KLHL29: variants seen among roughly 807,000 people sequenced by gnomAD.
KLHL29 encodes the protein kelch like family member 29.
A neutral mutation model predicts 80.4 loss-of-function variants in KLHL29; 21 were observed. The observed-to-expected ratio is 0.26, with a 90% CI of 0.19 to 0.38. KLHL29 has a LOEUF of 0.38. Ranked by LOEUF, KLHL29 falls within the 10% of genes least tolerant of loss-of-function variation. KLHL29 has a pLI of 1.00. For missense variants in KLHL29, 867 were observed against 1,223.9 expected (o/e 0.71, Z 4.35); for synonymous variants, 511 against 526.8 (o/e 0.97, Z 0.41).
chr2:23,477,836 G>A (rs1378554257), intron 2 of KLHL29, among the ~76,000 whole-genome samples: 1 of 152,248 alleles, frequency 6.6e-6, no homozygotes, highest in African/African-American at 2.4e-5. Flanking sequence ...ATGCACCTGT[G>A]AGTTTGGCAA....
intron 2 of KLHL29, among the ~76,000 whole-genome samples, chr2:23,478,080 C>T (rs974605897): frequency 2.0e-5 from 3 of 152,104 alleles, no homozygotes; most frequent in African/African-American, 7.2e-5. Context: ...ATCTCTGTGC[C>T]CCCAGACCAG....
At chr2:23,624,844 C>T (rs1017267886) in intron 3 of KLHL29, among the ~76,000 whole-genome samples, 22 of 152,318 alleles carry the variant, frequency 1.4e-4, no homozygotes, top group Admixed American at 1.1e-3. Flanking sequence ...GTCCCAGGTA[C>T]GTTGCTAGGT....
intron 1 of KLHL29, among the ~76,000 whole-genome samples, chr2:23,464,831 C>G (rs755874209): frequency 3.9e-5 from 6 of 152,102 alleles, no homozygotes; most frequent in Non-Finnish European, 7.4e-5. Context: ...TTTTTCCCAC[C>G]TCTTCTCTTA....
intron 2 of KLHL29, among the ~76,000 whole-genome samples, chr2:23,523,354 C>T (rs970144155): frequency 2.0e-5 from 3 of 152,188 alleles, no homozygotes; most frequent in Admixed American, 6.5e-5. Flanking sequence ...AAATACTAAA[C>T]GGTGGTTCTT....
chr2:23,392,702 C>T (rs1212814062), intron 1 of KLHL29, among the ~76,000 whole-genome samples: 3 of 152,218 alleles, frequency 2.0e-5, no homozygotes, highest in African/African-American at 7.2e-5. Context: ...ACACAGATCC[C>T]TCAGCTACCA....
Position 23,516,545 on chromosome 2 carries a change from C to T in KLHL29, c.-46+40878C>T, listed in dbSNP as rs570162653. 1.8e-4 allele frequency among the ~76,000 whole-genome samples: 28 copies of T among 152,292 alleles called. 1 individual carries two copies. Among genetic ancestry groups the T allele is most frequent in the Middle Eastern group, 3.4e-3 (1 of 294 alleles). ...CATAATTCAGGCTTTTGTGCCATGG[C>T]GCAGCAAGCTAGGTTATGATTATAC... On this transcript the variant is annotated intron_variant, in intron 2 of 13. Transcript: ENST00000486442.
At chr2:23,605,167 A>G (rs554084153) in intron 3 of KLHL29, among the ~76,000 whole-genome samples, 1 of 130,356 alleles carries the variant, frequency 7.7e-6, no homozygotes, top group South Asian at 2.4e-4. Flanking sequence ...ATTGCAGTGC[A>G]GTGGCACCGT....
intron 2 of KLHL29, among the ~76,000 whole-genome samples, chr2:23,495,441 G>T (rs1665233477): frequency 6.6e-6 from 1 of 152,122 alleles, no homozygotes; most frequent in Non-Finnish European, 1.5e-5. Flanking sequence ...TGTTTGGCTG[G>T]ACATTCCCAT....
intron 1 of KLHL29, among the ~76,000 whole-genome samples, chr2:23,450,945 T>C (rs1259008736): frequency 1.3e-5 from 2 of 152,220 alleles, no homozygotes; most frequent in African/African-American, 4.8e-5. Flanking sequence ...CTATTGTTTT[T>C]TTCTTTTTCA....
At chr2:23,543,724 C>G (rs1241566103) in intron 2 of KLHL29, among the ~76,000 whole-genome samples, 6 of 152,218 alleles carry the variant, frequency 3.9e-5, no homozygotes, top group African/African-American at 1.4e-4. Context: ...GCCGAAAGGC[C>G]TCCTCGGGAG....
At chr2:23,610,676 G>A (rs1668836302) in intron 3 of KLHL29, among the ~76,000 whole-genome samples, 1 of 152,234 alleles carries the variant, frequency 6.6e-6, no homozygotes, top group Admixed American at 6.5e-5. Flanking sequence ...ACAAGAAATA[G>A]CCCTGTGTGG....
rs6744647 is a variant in KLHL29, at chr2:23,457,809, C to T, written c.-153-17751C>T. Among the ~76,000 whole-genome samples the T allele has an allele frequency of 8.4e-3, 1,276 of 152,154 alleles. 23 individuals carry two copies. The highest frequency in any genetic ancestry group is 0.03 in the African/African-American group (1,233 of 41,526). ...CAGGCAGATCACGAGGTCAGGAGAT[C>T]GAGACCATCCTGGCTAACACAGTGA... is the stretch of plus-strand genomic sequence containing the variant. On this transcript the variant is annotated intron_variant, in intron 1 of 13. Transcript: ENST00000486442. This position sits in a 1 kb window ranked among gnomAD's most constrained non-coding sequence, Gnocchi z 4.3.
At position 23,525,721 on chromosome 2, in the gene KLHL29, C is replaced by T. The variant is rs1000860956; in HGVS notation, c.-45-36431C>T. ...TCCCCAGAGGCCGAGTGAGCCCCAG[C>T]CCCTGCCCCCCCCCCCCACCCGAGG... On this transcript the variant is annotated intron_variant, in intron 2 of 13. Transcript: ENST00000486442. Among the ~76,000 whole-genome samples the T allele has an allele frequency of 1.3e-3, 70 of 51,880 alleles. 3 individuals carry two copies. The Admixed American group carries it at 0.017, about 12-fold the overall frequency. 34.0% of individuals were successfully genotyped at this position (51,880 alleles called of 152,430 possible). A position where few individuals can be genotyped will look rare whatever the true frequency, so the allele number is the denominator to read the frequency against.
intron 2 of KLHL29, among the ~76,000 whole-genome samples, chr2:23,489,473 A>G (rs1665033825): frequency 6.6e-6 from 1 of 151,994 alleles, no homozygotes; most frequent in Non-Finnish European, 1.5e-5. Context: ...TTTGAGTGGA[A>G]ATGGAGAAGA....
intron 6 of KLHL29, among the ~76,000 whole-genome samples, chr2:23,687,966 C>T (rs1431810930): frequency 9.2e-5 from 14 of 152,140 alleles, no homozygotes; most frequent in Non-Finnish European, 2.1e-4. Context: ...CGGCCGAGTC[C>T]CTTTGGGCTT....
intron 2 of KLHL29, among the ~76,000 whole-genome samples, chr2:23,558,254 G>A (rs1321261872): frequency 6.6e-6 from 1 of 152,188 alleles, no homozygotes; most frequent in African/African-American, 2.4e-5. Flanking sequence ...GTGTCCCTGA[G>A]GCAGTGATGA....
intron 5 of KLHL29, among the ~76,000 whole-genome samples, chr2:23,673,632 A>G (rs952140078): frequency 6.7e-6 from 1 of 149,900 alleles, no homozygotes; most frequent in Non-Finnish European, 1.5e-5. Context: ...TCACACACAC[A>G]CATACACACA....
chr2:23,464,414 G>GC (rs1664293916), intron 1 of KLHL29, among the ~76,000 whole-genome samples: 2 of 152,024 alleles, frequency 1.3e-5, no homozygotes, highest in South Asian at 4.1e-4. Flanking sequence ...AGCTGCCTTC[G>GC]GGGGGGATAA....
intron 3 of KLHL29, among the ~76,000 whole-genome samples, chr2:23,609,774 G>A (rs985986277): frequency 4.6e-5 from 7 of 152,268 alleles, no homozygotes; most frequent in African/African-American, 1.2e-4. Context: ...AACAAAACCC[G>A]TGAGGTAGTG....
Sources: allele counts gnomAD v4.1 joint callset (sites outside exome capture counted in the v4.1 genomes callset), GRCh38; gene constraint gnomAD v4.1.1; non-coding constraint Gnocchi (gnomAD v3.1); transcripts MANE v1.5; gene names NCBI Gene and HGNC (gene_info 2026-07-23, HGNC 2026-07-21).